Variants in CACNA1D observed in about 807,000 individuals in gnomAD.
The protein encoded by CACNA1D is voltage-dependent L-type calcium channel subunit alpha-1D.
A neutral mutation model predicts 257.1 loss-of-function variants in CACNA1D; 55 were observed. The ratio of observed to expected loss-of-function variants is 0.21; its 90% CI spans 0.17 to 0.27. CACNA1D has a LOEUF of 0.27. CACNA1D is among the 10% of genes least tolerant of loss of function. The probability of loss-of-function intolerance (pLI) is 1.00; values close to 1 mark genes in which losing one functional copy is unlikely to be tolerated. For missense variants in CACNA1D, 1,876 were observed against 2,784.0 expected, an observed-to-expected ratio of 0.67 and a Z score of 7.34; for synonymous variants, 980 against 1,014.9, an observed-to-expected ratio of 0.97 and a Z score of 0.65.
chr3:53,533,457 T>G (rs1248970328), intron 3 of CACNA1D, among the ~76,000 whole-genome samples: 1 of 152,238 alleles, frequency 6.6e-6, no homozygotes, highest in African/African-American at 2.4e-5. Context: ...TCAGATGGTC[T>G]TTGCAGCTCA....
In CACNA1D at chr3:53,694,451, T is replaced by G. The variant is rs186747341; in HGVS notation, c.1221-8190T>G. On this transcript the variant is annotated intron_variant, in intron 8 of 47. Coordinates refer to ENST00000350061, the MANE Select transcript of CACNA1D (RefSeq NM_001128840.3). ...CCTGTCCTCCCTCCCTGGTCCTGAT[T>G]CATGACCTCCCCGTGAGCCACAGCC... Among the ~76,000 whole-genome samples, 98 of 152,242 alleles carry G rather than the reference T, an allele frequency of 6.4e-4. 2 individuals are homozygous for G. The South Asian group carries it at 0.02, about 31-fold the overall frequency.
At position 53,755,860 on chromosome 3, in the gene CACNA1D, T is replaced by C. The variant is rs546122786; in HGVS notation, c.3786+2178T>C. Among the ~76,000 whole-genome samples the C allele has an allele frequency of 1.6e-3, 239 of 152,308 alleles. 1 individual carries two copies. Among genetic ancestry groups the C allele is most frequent in the Admixed American group, 4.0e-3 (61 of 15,302 alleles). ...ACAAGCCCAGCCCGAGCAAGTGGTC[T>C]TTCACAAAGAAGCCAGGGAGGCCTC... On this transcript the variant is annotated intron_variant, in intron 29 of 47. Transcript: ENST00000350061.
At chr3:53,792,401 G>A (rs555133019) in intron 40 of CACNA1D, 13 of 152,192 alleles carry the variant, frequency 8.5e-5, no homozygotes, top group Non-Finnish European at 1.6e-4. Context: ...AGTAGCCATA[G>A]TGCAGAGGTA....
At chr3:53,791,799 C>G (rs1038364450) in intron 40 of CACNA1D, 1 of 152,258 alleles carries the variant, frequency 6.6e-6, no homozygotes, top group Non-Finnish European at 1.5e-5. Context: ...CAGAGCCAGT[C>G]TGGGGATGCC....
In CACNA1D at chr3:53,774,135, T is replaced by C; in HGVS notation, c.4111-452T>C. 4.8e-6 allele frequency: 1 copy of C among 209,510 alleles called. No homozygotes were observed. The highest frequency in any genetic ancestry group is 9.7e-6 in the Non-Finnish European group (1 of 102,726). 13.0% of individuals were successfully genotyped at this position (209,510 alleles called of 1,614,324 possible). Reference sequence around the variant, plus strand: ...TGCTGTCACCCTGCTCCTATGCACATGGTGCTCCCTCCACCCGAAACACTC... The same window carrying C: ...TGCTGTCACCCTGCTCCTATGCACACGGTGCTCCCTCCACCCGAAACACTC... On this transcript the variant is annotated intron_variant, in intron 33 of 47. Transcript: ENST00000350061. This position sits in a 1 kb window ranked among gnomAD's most constrained non-coding sequence, Gnocchi z 4.3.
At chr3:53,768,125 T>C (rs887431560) in intron 30 of CACNA1D, among the ~76,000 whole-genome samples, 3 of 152,190 alleles carry the variant, frequency 2.0e-5, no homozygotes, top group African/African-American at 7.2e-5. Context: ...TCACAAACTC[T>C]AAGGAAGGGG....
intron 3 of CACNA1D, among the ~76,000 whole-genome samples, chr3:53,532,889 G>A (rs2091994355): frequency 6.6e-6 from 1 of 152,186 alleles, no homozygotes; most frequent in African/African-American, 2.4e-5. Flanking sequence ...GGCAGCAGAG[G>A]TGCTGGTGCT....
In CACNA1D at chr3:53,576,181, G is replaced by A. The variant is rs926310232; in HGVS notation, c.483+74461G>A. On this transcript the variant is annotated intron_variant, in intron 3 of 47. Coordinates refer to ENST00000350061, the MANE Select transcript of CACNA1D (RefSeq NM_001128840.3). ...TGCTGCTGCTTTTCAACTGGGAAACGTTACCGTCTGTTTCCATCACAGTGG... is the reference window on the plus strand; with the variant it reads ...TGCTGCTGCTTTTCAACTGGGAAACATTACCGTCTGTTTCCATCACAGTGG... Among the ~76,000 whole-genome samples the A allele has an allele frequency of 4.6e-5, 7 of 152,122 alleles. No homozygotes were observed. The East Asian group carries it at 7.7e-4, about 17-fold the overall frequency.
chr3:53,585,967 C>G (rs2093208185), intron 3 of CACNA1D, among the ~76,000 whole-genome samples: 1 of 152,180 alleles, frequency 6.6e-6, no homozygotes, highest in African/African-American at 2.4e-5. Flanking sequence ...GAGTCCCTGC[C>G]TCCGAGAACT....
At chr3:53,543,887 A>C (rs1446899197) in intron 3 of CACNA1D, among the ~76,000 whole-genome samples, 1 of 152,234 alleles carries the variant, frequency 6.6e-6, no homozygotes, top group African/African-American at 2.4e-5. Flanking sequence ...TTGCACAAAT[A>C]ATGCAAATTA....
At chr3:53,747,572 C>T in intron 26 of CACNA1D, 124 bp downstream of exon 26, 2 of 961,448 alleles carry the variant, frequency 2.1e-6, no homozygotes, top group African/African-American at 1.6e-5. Flanking sequence ...GGCTTTTTAA[C>T]CTTGGGCCAC....
chr3:53,637,244 C>T (rs1206484074), intron 3 of CACNA1D, among the ~76,000 whole-genome samples: 1 of 152,190 alleles, frequency 6.6e-6, no homozygotes, highest in Non-Finnish European at 1.5e-5. Flanking sequence ...GAAGAGGTCA[C>T]CATCTTTTCA....
At chr3:53,639,018 C>G (rs2093917616) in intron 3 of CACNA1D, among the ~76,000 whole-genome samples, 1 of 152,230 alleles carries the variant, frequency 6.6e-6, no homozygotes, top group Admixed American at 6.5e-5. Context: ...TTTTCCCCAC[C>G]AGGTGGGTGG....
rs761787733 is a variant in CACNA1D at position 53,650,680 on chromosome 3, T to C, written c.484-99T>C. On this transcript the variant is annotated intron_variant, in intron 3 of 47. Coordinates refer to ENST00000350061, the MANE Select transcript of CACNA1D (RefSeq NM_001128840.3). ...AACTTTGTTTGGAGGGAAATGCTTA[T>C]ATGTCTAAGGTGTTGATTCTAATCT... is the stretch of plus-strand genomic sequence containing the variant. 9 of 1,223,450 alleles carry C rather than the reference T, an allele frequency of 7.4e-6. No individual in the cohort carries two copies. The South Asian group carries it at 1.1e-4, about 15-fold the overall frequency. The allele number at this position is 1,223,450 out of a possible 1,614,324, so 75.8% of individuals were successfully genotyped here.
intron 3 of CACNA1D, among the ~76,000 whole-genome samples, chr3:53,529,491 G>A (rs2091877313): frequency 1.3e-5 from 2 of 152,130 alleles, no homozygotes. Flanking sequence ...GTCTGGCTTT[G>A]GTGTCTGGGT....
At chr3:53,781,500 C>G (rs1217433292) in intron 38 of CACNA1D, 66 bp from the exon 39 acceptor site, 4 of 1,057,640 alleles carry the variant, frequency 3.8e-6, no homozygotes, top group Non-Finnish European at 5.9e-6. Context: ...CAAGGCTGTG[C>G]AAGCAGAGGA....
In CACNA1D at chr3:53,810,823, G is replaced by A. The variant is rs187043429; in HGVS notation, c.6193-290G>A. ...CACCACCGTCAATTCTCATAAATGA[G>A]CTGTGCTGGCATTATGGGTGCTGTT... On this transcript the variant is annotated intron_variant, in intron 47 of 47. Coordinates refer to ENST00000350061, the MANE Select transcript of CACNA1D (RefSeq NM_001128840.3). Among the ~76,000 whole-genome samples, 26 of 146,748 alleles carry A rather than the reference G, an allele frequency of 1.8e-4. 1 individual carries two copies. The highest frequency in any genetic ancestry group is 6.5e-4 in the African/African-American group (25 of 38,720).
chr3:53,582,291 TCAG>T (rs1479481995), intron 3 of CACNA1D, among the ~76,000 whole-genome samples: 2 of 152,168 alleles, frequency 1.3e-5, no homozygotes, highest in African/African-American at 4.8e-5. Flanking sequence ...TGTGGAAGAT[TCAG>T]CAGATGTGCA....
At chr3:53,804,533 C>G (rs192244368) in intron 44 of CACNA1D, among the ~76,000 whole-genome samples, 1 of 152,218 alleles carries the variant, frequency 6.6e-6, no homozygotes, top group Non-Finnish European at 1.5e-5. Context: ...GCATGAGTTC[C>G]TCTCTTCCAG....
Sources: gnomAD v4.1 joint callset for allele counts (sites outside exome capture counted in the v4.1 genomes callset) on GRCh38, gnomAD v4.1.1 for gene constraint, Gnocchi (gnomAD v3.1) non-coding constraint, MANE v1.5 for transcripts, NCBI Gene and HGNC (gene_info 2026-07-23, HGNC 2026-07-21) for gene names.